Variants in TBC1D4 observed in about 807,000 individuals in gnomAD.
TBC1D4 encodes TBC1 domain family member 4, also known as TBC (Tre-2, BUB2, CDC16) domain-containing protein.
A neutral mutation model predicts 142.5 loss-of-function variants in TBC1D4; 121 were observed. The observed-to-expected ratio is 0.85, with a 90% CI of 0.73 to 0.99. The LOEUF is 0.99. TBC1D4 is among the 50% of genes least tolerant of loss of function. The pLI is 0.00. For missense variants in TBC1D4, 1,475 were observed against 1,606.6 expected, an observed-to-expected ratio of 0.92 and a Z score of 1.40; for synonymous variants, 630 against 628.2, an observed-to-expected ratio of 1.00 and a Z score of -0.04.
chr13:75,341,087 A>G, intron 7 of TBC1D4, 38 bp downstream of exon 7: 1 of 1,581,528 alleles, frequency 6.3e-7, no homozygotes, highest in Non-Finnish European at 8.7e-7. Context: ...ATTATTAAAC[A>G]ACAACAAAAG....
chr13:75,385,398 T>C (rs1247938140), intron 1 of TBC1D4, among the ~76,000 whole-genome samples: 1 of 152,230 alleles, frequency 6.6e-6, no homozygotes, highest in Non-Finnish European at 1.5e-5. Flanking sequence ...ATGGTGGTTC[T>C]GCTCACCCTC....
intron 1 of TBC1D4, among the ~76,000 whole-genome samples, chr13:75,437,104 G>A (rs1168547966): frequency 6.6e-6 from 1 of 152,208 alleles, no homozygotes; most frequent in Non-Finnish European, 1.5e-5. Flanking sequence ...CAGATTAAGA[G>A]AGACTTAAAC....
intron 1 of TBC1D4, among the ~76,000 whole-genome samples, chr13:75,439,119 G>A (rs916100706): frequency 3.9e-5 from 6 of 152,096 alleles, no homozygotes; most frequent in Non-Finnish European, 8.8e-5. Context: ...AAAATCTCCC[G>A]AAAAACTGTC....
chr13:75,419,304 T>A (rs1288782969), intron 1 of TBC1D4, among the ~76,000 whole-genome samples: 1 of 152,186 alleles, frequency 6.6e-6, no homozygotes, highest in African/African-American at 2.4e-5. Context: ...CTCTTCTCAT[T>A]CCAGTGCTGG....
rs369066649 is a variant in TBC1D4 at position 75,340,992 on chromosome 13, C to CG, written c.1611+132dup. The CG allele has an allele frequency of 8.3e-4, 629 of 758,510 alleles. 9 individuals are homozygous for CG. In the African/African-American group the frequency reaches 9.6e-3, roughly 12 times the overall value. The allele number at this position is 758,510 out of a possible 1,614,324, so 47.0% of individuals were successfully genotyped here. On this transcript the variant is annotated intron_variant, in intron 7 of 20. Transcript: ENST00000377636. ...CCTATAAAACTATTAAAATGCTGGG[C>CG]GGGGGAGTGAGGGGGTAGTTCAGGA...
intron 1 of TBC1D4, among the ~76,000 whole-genome samples, chr13:75,400,942 C>T (rs1366968141): frequency 2.6e-5 from 4 of 152,162 alleles, no homozygotes; most frequent in Non-Finnish European, 5.9e-5. Flanking sequence ...ACAGGAAAAA[C>T]CCAGAACAAG....
Position 75,481,266 on chromosome 13 carries a change from T to C in TBC1D4, c.498+4A>G. 6.7e-7 allele frequency: 1 copy of C among 1,501,944 alleles called. No individual in the cohort carries two copies. The highest frequency in any genetic ancestry group is 9.0e-7 in the Non-Finnish European group (1 of 1,107,794). 93.0% of individuals were successfully genotyped at this position (1,501,944 alleles called of 1,614,324 possible). ...GCCCCCGCGCCTCCGAGCCCCTGTC[T>C]TGCCTGGCTGGGGTCTGTGGCGCGG... On this transcript the variant is annotated splice_donor_region_variant and intron_variant, in intron 1 of 20. Coordinates refer to ENST00000377636, the MANE Select transcript of TBC1D4 (RefSeq NM_014832.5).
chr13:75,302,106 T>C (rs992704117), intron 16 of TBC1D4, 137 bp downstream of exon 16: 8 of 1,049,178 alleles, frequency 7.6e-6, no homozygotes, highest in Non-Finnish European at 9.9e-6. Context: ...TTGCCCTCAG[T>C]AAAGGACAAA....
Position 75,425,849 on chromosome 13 carries a change from T to C in TBC1D4, c.498+55421A>G, listed in dbSNP as rs910172973. 7.9e-5 allele frequency among the ~76,000 whole-genome samples: 12 copies of C among 152,192 alleles called. No homozygotes were observed. The East Asian group carries it at 1.9e-3, about 24-fold the overall frequency. ...AAGATGTTAGTCACAGAACACAAAA[T>C]TTCAGTTAGATAGGAGGAACATGTT... On this transcript the variant is annotated intron_variant, in intron 1 of 20. Transcript: ENST00000377636.
chr13:75,397,096 A>G (rs1884836268), intron 1 of TBC1D4, among the ~76,000 whole-genome samples: 1 of 152,176 alleles, frequency 6.6e-6, no homozygotes, highest in Non-Finnish European at 1.5e-5. Context: ...GTTAATTAGT[A>G]TGCTTGAGAT....
At chr13:75,425,868 A>T (rs1205154061) in intron 1 of TBC1D4, among the ~76,000 whole-genome samples, 1 of 152,176 alleles carries the variant, frequency 6.6e-6, no homozygotes, top group Non-Finnish European at 1.5e-5. Context: ...GATAGGAGGA[A>T]CATGTTCAAG....
chr13:75,418,832 C>G (rs1886034975), intron 1 of TBC1D4, among the ~76,000 whole-genome samples: 1 of 152,184 alleles, frequency 6.6e-6, no homozygotes, highest in Non-Finnish European at 1.5e-5. Context: ...ACTCCCTACT[C>G]TCTGCTGCAA....
At chr13:75,304,972 C>T (rs969282297) in intron 15 of TBC1D4, among the ~76,000 whole-genome samples, 1 of 152,086 alleles carries the variant, frequency 6.6e-6, no homozygotes, top group Non-Finnish European at 1.5e-5. Context: ...GGCTGTGTCC[C>T]CACCCAAATC....
intron 20 of TBC1D4, among the ~76,000 whole-genome samples, chr13:75,287,404 C>T (rs562310524): frequency 2.4e-4 from 36 of 152,214 alleles, no homozygotes; most frequent in Middle Eastern, 3.4e-3. Context: ...TGAAATACGG[C>T]GTTCTCTAAA....
chr13:75,427,541 T>G (rs1555320664), intron 1 of TBC1D4, among the ~76,000 whole-genome samples: 1 of 152,030 alleles, frequency 6.6e-6, no homozygotes, highest in Admixed American at 6.5e-5. Flanking sequence ...AATATTAAAA[T>G]AGAAAAAGAA....
intron 1 of TBC1D4, among the ~76,000 whole-genome samples, chr13:75,415,823 A>G (rs932767939): frequency 6.6e-6 from 1 of 152,194 alleles, no homozygotes; most frequent in Non-Finnish European, 1.5e-5. Flanking sequence ...AATGATCTTA[A>G]CTGTTAAATT....
intron 9 of TBC1D4, among the ~76,000 whole-genome samples, chr13:75,326,855 C>T (rs531221339): frequency 5.3e-5 from 8 of 152,152 alleles, no homozygotes; most frequent in Non-Finnish European, 8.8e-5. Context: ...TCCTGGCTTC[C>T]GTGACATATC....
intron 1 of TBC1D4, among the ~76,000 whole-genome samples, chr13:75,382,248 T>C (rs1883896255): frequency 6.6e-6 from 1 of 152,174 alleles, no homozygotes; most frequent in Non-Finnish European, 1.5e-5. Context: ...TCCCAAAAGG[T>C]TTAACCTGTG....
At chr13:75,443,855 T>C (rs1394455562) in intron 1 of TBC1D4, among the ~76,000 whole-genome samples, 1 of 152,054 alleles carries the variant, frequency 6.6e-6, no homozygotes, top group African/African-American at 2.4e-5. Context: ...ACTTAACGAC[T>C]ACCAGCTACT....
Sources: allele counts gnomAD v4.1 joint callset (sites outside exome capture counted in the v4.1 genomes callset), GRCh38; gene constraint gnomAD v4.1.1; transcripts MANE v1.5; gene names NCBI Gene and HGNC (gene_info 2026-07-23, HGNC 2026-07-21).